Variants in KIF6 observed in about 807,000 individuals in gnomAD.
KIF6 encodes kinesin family member 6.
A neutral mutation model predicts 112.7 loss-of-function variants in KIF6; 106 were observed. That is an observed-to-expected ratio of 0.94 (90% CI 0.80 to 1.11). The LOEUF (loss-of-function observed/expected upper bound fraction) is 1.11, where lower values mean the gene tolerates loss of function less well. Ranked by LOEUF, KIF6 falls within the 50% of genes least tolerant of loss-of-function variation. The pLI, the probability that KIF6 is intolerant of heterozygous loss-of-function variation, is 0.00. For synonymous variants in KIF6, 339 were observed against 339.9 expected (o/e 1.00, Z 0.03); for missense variants, 929 against 964.0 (o/e 0.96, Z 0.48).
chr6:39,447,956 C>T (rs986672686), intron 13 of KIF6, among the ~76,000 whole-genome samples: 1 of 152,138 alleles, frequency 6.6e-6, no homozygotes, highest in African/African-American at 2.4e-5. Flanking sequence ...GGGAACTGCA[C>T]GTAACTGCTA....
intron 3 of KIF6, among the ~76,000 whole-genome samples, chr6:39,654,827 C>T (rs1785679948): frequency 6.6e-6 from 1 of 152,182 alleles, no homozygotes. Flanking sequence ...TCTCTCACAT[C>T]AGTAGATCCA....
At chr6:39,497,736 G>A (rs984682254) in intron 13 of KIF6, among the ~76,000 whole-genome samples, 2 of 152,102 alleles carry the variant, frequency 1.3e-5, no homozygotes, top group Non-Finnish European at 2.9e-5. Context: ...CCCCCATCAC[G>A]AAGTACTCAA....
chr6:39,439,748 C>T (rs1010287253), intron 13 of KIF6, among the ~76,000 whole-genome samples: 7 of 151,870 alleles, frequency 4.6e-5, no homozygotes, highest in African/African-American at 1.7e-4. Context: ...CTAACGAATA[C>T]AACTTGGTAC....
intron 19 of KIF6, among the ~76,000 whole-genome samples, chr6:39,351,407 G>A (rs575430435): frequency 6.6e-6 from 1 of 150,722 alleles, no homozygotes; most frequent in Admixed American, 6.6e-5. Context: ...TGGATTTGTG[G>A]GGAGGTAAGG....
At chr6:39,723,511 C>G (rs1298450643) in intron 1 of KIF6, among the ~76,000 whole-genome samples, 2 of 152,134 alleles carry the variant, frequency 1.3e-5, no homozygotes, top group African/African-American at 4.8e-5. Context: ...CAGTGATAGA[C>G]TGGTTAAAGA....
intron 13 of KIF6, among the ~76,000 whole-genome samples, chr6:39,441,656 G>A (rs1459545516): frequency 1.3e-5 from 2 of 152,154 alleles, no homozygotes; most frequent in South Asian, 2.1e-4. Context: ...AAAAAGCCAC[G>A]GCCAAAGTGA....
chr6:39,580,297 T>A (rs1015770293), intron 9 of KIF6, among the ~76,000 whole-genome samples: 1 of 152,114 alleles, frequency 6.6e-6, no homozygotes, highest in Non-Finnish European at 1.5e-5. Flanking sequence ...ACTGTTGGCT[T>A]CTGGCATATA....
At chr6:39,510,269 T>C (rs889865725) in intron 13 of KIF6, among the ~76,000 whole-genome samples, 4 of 151,892 alleles carry the variant, frequency 2.6e-5, no homozygotes, top group Admixed American at 6.6e-5. Flanking sequence ...ATTTTTTGTA[T>C]TTTTAGTAGA....
At chr6:39,618,810 T>C (rs1036650325) in intron 5 of KIF6, among the ~76,000 whole-genome samples, 3 of 152,300 alleles carry the variant, frequency 2.0e-5, no homozygotes, top group East Asian at 1.9e-4. Context: ...TTTCAACCAA[T>C]TGCCAACCAA....
intron 16 of KIF6, among the ~76,000 whole-genome samples, chr6:39,375,665 G>T (rs1028453106): frequency 1.3e-5 from 2 of 152,164 alleles, no homozygotes; most frequent in East Asian, 3.9e-4. Flanking sequence ...TCCCAGGCCT[G>T]CAGGATTGGA....
chr6:39,336,326 GT>G lies in KIF6; in HGVS notation c.*205del. Reference sequence around the variant, plus strand: ...CAGCTCCAGCAACCACAGGAAGGATGTTGTGGTCAGCCCCAGCCCCAGCCTC... The same window carrying G: ...CAGCTCCAGCAACCACAGGAAGGATGTGTGGTCAGCCCCAGCCCCAGCCTC... On this transcript the variant is annotated 3_prime_UTR_variant, in exon 23 of 23. Coordinates refer to ENST00000287152, the MANE Select transcript of KIF6 (RefSeq NM_145027.6). 1 of 576,708 alleles carries G rather than the reference GT, an allele frequency of 1.7e-6. No individual in the cohort carries two copies. The highest frequency in any genetic ancestry group is 3.1e-6 in the Non-Finnish European group (1 of 323,766). 35.7% of individuals were successfully genotyped at this position (576,708 alleles called of 1,614,324 possible).
intron 13 of KIF6, among the ~76,000 whole-genome samples, chr6:39,521,556 G>A (rs1777403053): frequency 6.6e-6 from 1 of 152,144 alleles, no homozygotes; most frequent in Non-Finnish European, 1.5e-5. Context: ...CAAGAGATGA[G>A]TATGTGAGGA....
chr6:39,654,196 G>A (rs1785635847), intron 3 of KIF6, among the ~76,000 whole-genome samples: 1 of 152,122 alleles, frequency 6.6e-6, no homozygotes, highest in South Asian at 2.1e-4. Context: ...CAGCAAGGAG[G>A]ACAAGACACC....
intron 10 of KIF6, among the ~76,000 whole-genome samples, chr6:39,571,163 A>G (rs1780618516): frequency 6.6e-6 from 1 of 152,158 alleles, no homozygotes; most frequent in Admixed American, 6.5e-5. Context: ...TACAGTCATA[A>G]GTTATCACTA....
chr6:39,411,736 G>A (rs1307202974), intron 15 of KIF6, among the ~76,000 whole-genome samples: 1 of 152,212 alleles, frequency 6.6e-6, no homozygotes, highest in Non-Finnish European at 1.5e-5. Flanking sequence ...TGGAAGCCTT[G>A]TGAGGCTTAA....
chr6:39,579,910 A>C (rs140298419), intron 9 of KIF6, among the ~76,000 whole-genome samples: 17 of 151,992 alleles, frequency 1.1e-4, no homozygotes, highest in Non-Finnish European at 2.4e-4. Context: ...TAACTACTAA[A>C]TCTTAAGAAA....
chr6:39,495,494 T>C (rs1775732360), intron 13 of KIF6, among the ~76,000 whole-genome samples: 1 of 152,166 alleles, frequency 6.6e-6, no homozygotes, highest in South Asian at 2.1e-4. Flanking sequence ...GTGGTCCCTC[T>C]TTCCCCAGGG....
In KIF6 at chr6:39,396,635, G is replaced by C. The variant is rs78375082; in HGVS notation, c.1811-10963C>G. On this transcript the variant is annotated intron_variant, in intron 15 of 22. Coordinates refer to ENST00000287152, the MANE Select transcript of KIF6 (RefSeq NM_145027.6). ...CTGCCACCTCCTACTGTGACCCTAGGCTACTTAATCCCTTTGAGCCTCAAT... is the reference window on the plus strand; with the variant it reads ...CTGCCACCTCCTACTGTGACCCTAGCCTACTTAATCCCTTTGAGCCTCAAT... Among the ~76,000 whole-genome samples the C allele has an allele frequency of 2.0e-5, 3 of 152,246 alleles. No individual in the cohort carries two copies. The East Asian group carries it at 5.8e-4, about 29-fold the overall frequency.
intron 3 of KIF6, chr6:39,689,986 TA>T (rs1171676065): frequency 6.6e-6 from 1 of 152,236 alleles, no homozygotes; most frequent in African/African-American, 2.4e-5. Context: ...GGTGCCATTT[TA>T]AATTTTATTT....
Sources: allele counts gnomAD v4.1 joint callset (sites outside exome capture counted in the v4.1 genomes callset), GRCh38; gene constraint gnomAD v4.1.1; transcripts MANE v1.5; gene names NCBI Gene and HGNC (gene_info 2026-07-23, HGNC 2026-07-21).